The following AASS variants were observed in gnomAD, a reference collection of about 807,000 sequenced individuals.
The protein encoded by AASS is aminoadipate-semialdehyde synthase, also known as alpha-aminoadipic semialdehyde synthase, mitochondrial.
Under a neutral mutation model 105.4 loss-of-function variants are expected in AASS, and 86 were observed. The ratio of observed to expected loss-of-function variants is 0.82; its 90% CI spans 0.69 to 0.98. AASS has a LOEUF of 0.98. Ranked by LOEUF, AASS falls within the 50% of genes least tolerant of loss-of-function variation. The pLI, the probability that AASS is intolerant of heterozygous loss-of-function variation, is 0.00. For missense variants in AASS, 1,048 were observed against 1,143.2 expected, an observed-to-expected ratio of 0.92 and a Z score of 1.20; for synonymous variants, 381 against 394.8, an observed-to-expected ratio of 0.96 and a Z score of 0.41.
At position 122,073,694 on chromosome 7, in the gene AASS, C is replaced by G. The variant is rs1476299090; in HGVS notation, c.*2795G>C. On this transcript the variant is annotated 3_prime_UTR_variant, in exon 24 of 24. Transcript: ENST00000417368. ...ATCAACTTTACAACGTTTACATCAC[C>G]CCAAAAAAGAAACCCCATACTAATT... is the stretch of plus-strand genomic sequence containing the variant. Among the ~76,000 whole-genome samples the G allele has an allele frequency of 6.6e-6, 1 of 152,072 alleles. No homozygotes were observed. The highest frequency in any genetic ancestry group is 2.4e-5 in the African/African-American group (1 of 41,400).
rs757857246 is a variant in AASS, at chr7:122,078,849, C to A, written c.2485+13G>T. 1 of 1,610,080 alleles carries A rather than the reference C, an allele frequency of 6.2e-7. No homozygotes were observed. The highest frequency in any genetic ancestry group is 2.2e-5 in the East Asian group (1 of 44,816). On this transcript the variant is annotated intron_variant, in intron 22 of 23. Transcript: ENST00000417368. The stretch of plus-strand genomic sequence containing the variant: ...CTTCTTTAGGTATATTTAGCTAATA[C>A]TTCATGGCCTACCATAGGAAAGCTT...
chr7:122,100,045 C>G (rs1243337759), intron 13 of AASS, among the ~76,000 whole-genome samples: 1 of 151,860 alleles, frequency 6.6e-6, no homozygotes, highest in Non-Finnish European at 1.5e-5. Context: ...ACCCCAGACT[C>G]CAGGTTAATA....
At chr7:122,111,544 T>C (rs1229546427) in intron 11 of AASS, among the ~76,000 whole-genome samples, 1 of 152,224 alleles carries the variant, frequency 6.6e-6, no homozygotes, top group Non-Finnish European at 1.5e-5. Flanking sequence ...ATTTTTTATA[T>C]ACATACAGTT....
intron 1 of AASS, among the ~76,000 whole-genome samples, chr7:122,140,217 G>A (rs1471904499): frequency 1.3e-5 from 2 of 151,930 alleles, no homozygotes; most frequent in Non-Finnish European, 2.9e-5. Flanking sequence ...TGGGTGCGGT[G>A]GCTCACACCT....
At chr7:122,080,771 AT>A (rs1224949973) in intron 20 of AASS, among the ~76,000 whole-genome samples, 2 of 152,166 alleles carry the variant, frequency 1.3e-5, no homozygotes, top group Non-Finnish European at 2.9e-5. Flanking sequence ...TTCAAAAATA[AT>A]TTTTTAAAGA....
At chr7:122,111,629 C>T (rs1025653721) in intron 11 of AASS, among the ~76,000 whole-genome samples, 1 of 152,080 alleles carries the variant, frequency 6.6e-6, no homozygotes, top group African/African-American at 2.4e-5. Context: ...CGTGGCTGGG[C>T]GCGGTGGCTC....
chr7:122,077,190 C>T (rs1483457176), intron 23 of AASS, among the ~76,000 whole-genome samples: 2 of 151,826 alleles, frequency 1.3e-5, no homozygotes, highest in Admixed American at 6.6e-5. Flanking sequence ...CATTTATATG[C>T]TTTGATATTT....
At chr7:122,079,313 A>G (rs1312630312) in intron 21 of AASS, 2 of 1,354,102 alleles carry the variant, frequency 1.5e-6, no homozygotes, top group Admixed American at 3.1e-5. Context: ...ATATTCTATG[A>G]CTACTCCAAA....
In AASS at chr7:122,133,697, G is replaced by A. The variant is rs372472303; in HGVS notation, c.30C>T (p.Gly10=). 1.2e-5 allele frequency: 19 copies of A among 1,613,984 alleles called. No homozygotes were observed. The East Asian group carries it at 2.9e-4, about 25-fold the overall frequency. The change falls in exon 2 of 24, where the codon GGC becomes GGT. Residue 10 remains glycine (G), a synonymous_variant. Transcript: ENST00000417368. Reference sequence around the variant, plus strand: ...CCTTGGAGAGGCTGACCCCCAGCCTGCCCAGTCCAGTCCTATGTACTTGCA... The same window carrying A: ...CCTTGGAGAGGCTGACCCCCAGCCTACCCAGTCCAGTCCTATGTACTTGCA... MLQVHRTGL[G]RLGVSLSKGL...
chr7:122,079,223 T>C (rs750249378), intron 21 of AASS: 483 of 1,376,290 alleles, frequency 3.5e-4, no homozygotes, highest in Non-Finnish European at 4.4e-4. Flanking sequence ...CTTTATGAGA[T>C]TAATTTATAG....
chr7:122,084,361 T>C (rs1281838238), intron 19 of AASS, among the ~76,000 whole-genome samples: 1 of 152,064 alleles, frequency 6.6e-6, no homozygotes, highest in East Asian at 1.9e-4. Flanking sequence ...ATAAGAAAAA[T>C]ATACATAAAA....
At chr7:122,105,173 T>C (rs910216344) in intron 11 of AASS, among the ~76,000 whole-genome samples, 4 of 152,066 alleles carry the variant, frequency 2.6e-5, no homozygotes, top group Admixed American at 1.3e-4. Context: ...TAAGAAGTCA[T>C]AGCAATTGTA....
chr7:122,143,761 A>T (rs1796507758), intron 1 of AASS, among the ~76,000 whole-genome samples: 1 of 152,018 alleles, frequency 6.6e-6, no homozygotes. Flanking sequence ...CCACAAATTA[A>T]CAAGCCGTTG....
intron 11 of AASS, among the ~76,000 whole-genome samples, chr7:122,107,006 T>G (rs1304541857): frequency 2.0e-5 from 3 of 152,124 alleles, no homozygotes; most frequent in Non-Finnish European, 4.4e-5. Context: ...GACAAAAGTC[T>G]AATATCTAGC....
At chr7:122,081,334 C>G (rs1462332428) in intron 20 of AASS, among the ~76,000 whole-genome samples, 166 bp downstream of exon 20, 1 of 152,204 alleles carries the variant, frequency 6.6e-6, no homozygotes, top group African/African-American at 2.4e-5. Flanking sequence ...CCTCTCCATT[C>G]TTCCACAACA....
At chr7:122,085,877 A>G in intron 19 of AASS, 135 bp downstream of exon 19, 1 of 961,648 alleles carries the variant, frequency 1.0e-6, no homozygotes, top group Non-Finnish European at 1.6e-6. Context: ...TATTCAATCA[A>G]TCATAAGATT....
At chr7:122,101,136 C>T (rs1296932994) in intron 13 of AASS, among the ~76,000 whole-genome samples, 4 of 150,470 alleles carry the variant, frequency 2.7e-5, no homozygotes, top group Non-Finnish European at 3.0e-5. Flanking sequence ...CTTACCCATA[C>T]GTCTACACAG....
At chr7:122,140,629 A>G (rs1390451496) in intron 1 of AASS, among the ~76,000 whole-genome samples, 1 of 151,988 alleles carries the variant, frequency 6.6e-6, no homozygotes, top group African/African-American at 2.4e-5. Flanking sequence ...CCCCACAGTT[A>G]GGAACGTGCT....
At chr7:122,143,305 TTC>T (rs1286242288) in intron 1 of AASS, among the ~76,000 whole-genome samples, 1 of 152,012 alleles carries the variant, frequency 6.6e-6, no homozygotes, top group African/African-American at 2.4e-5. Flanking sequence ...AACTAATTCA[TTC>T]TCTCTCGCGC....
Sources: gnomAD v4.1 joint callset for allele counts (sites outside exome capture counted in the v4.1 genomes callset) on GRCh38, gnomAD v4.1.1 for gene constraint, MANE v1.5 for transcripts, NCBI Gene and HGNC (gene_info 2026-07-23, HGNC 2026-07-21) for gene names.